The following NARS2 variants were observed in gnomAD, a reference collection of about 807,000 sequenced individuals.
NARS2 encodes asparaginyl-tRNA synthetase 2, mitochondrial, also known as asparaginyl-tRNA synthetase.
NARS2 carries 60 observed loss-of-function variants against 62.9 expected under a neutral mutation model. The observed-to-expected ratio is 0.95, with a 90% confidence interval of 0.77 to 1.18. NARS2 has a LOEUF of 1.18. Ranked by LOEUF, NARS2 falls within the 50% of genes most tolerant of loss-of-function variation. The probability of loss-of-function intolerance (pLI) is 0.00; values close to 1 mark genes in which losing one functional copy is unlikely to be tolerated. For synonymous variants in NARS2, 196 were observed against 200.0 expected, an observed-to-expected ratio of 0.98 and a Z score of 0.17; for missense variants, 619 against 576.4, an observed-to-expected ratio of 1.07 and a Z score of -0.76.
At chr11:78,442,742 T>C (rs980890137) in intron 12 of NARS2, among the ~76,000 whole-genome samples, 4 of 152,110 alleles carry the variant, frequency 2.6e-5, no homozygotes, top group Non-Finnish European at 5.9e-5. Context: ...GGCGGTTCAA[T>C]TGAAACATGA....
At chr11:78,461,087 A>G (rs1032560949) in intron 11 of NARS2, among the ~76,000 whole-genome samples, 2 of 152,168 alleles carry the variant, frequency 1.3e-5, no homozygotes, top group African/African-American at 4.8e-5. Flanking sequence ...GAATTTTGCT[A>G]TCTGAGAGGG....
At chr11:78,519,293 C>T (rs1156616503) in intron 6 of NARS2, among the ~76,000 whole-genome samples, 1 of 152,102 alleles carries the variant, frequency 6.6e-6, no homozygotes, top group African/African-American at 2.4e-5. Flanking sequence ...GTACCAATCA[C>T]AAACTAATCA....
intron 5 of NARS2, among the ~76,000 whole-genome samples, chr11:78,547,041 C>G (rs982924765): frequency 6.6e-6 from 1 of 152,154 alleles, no homozygotes; most frequent in Non-Finnish European, 1.5e-5. Context: ...AAACACTATA[C>G]ATTTCGTGGC....
chr11:78,574,006 C>CA, intron 1 of NARS2, among the ~76,000 whole-genome samples: 1 of 152,170 alleles, frequency 6.6e-6, no homozygotes, highest in Non-Finnish European at 1.5e-5. Flanking sequence ...TTTCTGCTCT[C>CA]AAGGAGGGAG....
At chr11:78,563,842 A>AC (rs1565287258) in intron 4 of NARS2, among the ~76,000 whole-genome samples, 14 of 68,642 alleles carry the variant, frequency 2.0e-4, no homozygotes, top group African/African-American at 1.2e-3. Context: ...AAAAAAAAAA[A>AC]AAAAAAAAAA....
At chr11:78,483,155 C>T (rs4274222) in intron 7 of NARS2, among the ~76,000 whole-genome samples, 53,321 of 151,972 alleles carry the variant, frequency 0.35, 12,536 homozygotes, top group African/African-American at 0.66. Context: ...ATTACCTCAA[C>T]AGACGCAGAA....
rs893663755 is a variant in NARS2, at chr11:78,562,055, A to G, written c.514-2436T>C. 2.0e-5 allele frequency among the ~76,000 whole-genome samples: 3 copies of G among 152,086 alleles called. No individual in the cohort carries two copies. The East Asian group carries it at 5.8e-4, about 29-fold the overall frequency. ...GTCAAAAAACAAAAAACAAAAAACA[A>G]AAAACAAAAAACATAAACAGCAGTC... On this transcript the variant is annotated intron_variant, in intron 4 of 13. Coordinates refer to ENST00000281038, the MANE Select transcript of NARS2 (RefSeq NM_024678.6).
At chr11:78,523,117 A>T (rs1029886957) in intron 6 of NARS2, among the ~76,000 whole-genome samples, 1 of 152,158 alleles carries the variant, frequency 6.6e-6, no homozygotes, top group African/African-American at 2.4e-5. Context: ...AAAATAACTC[A>T]AGGACTTACA....
intron 2 of NARS2, 21 bp downstream of exon 2, chr11:78,571,314 C>A (rs1590880439): frequency 2.0e-6 from 3 of 1,533,340 alleles, no homozygotes; most frequent in Non-Finnish European, 2.7e-6. Context: ...TCAAAGAATT[C>A]TTTTAAAAAA....
At chr11:78,531,185 G>A (rs1162391601) in intron 5 of NARS2, among the ~76,000 whole-genome samples, 1 of 151,994 alleles carries the variant, frequency 6.6e-6, no homozygotes, top group Non-Finnish European at 1.5e-5. Flanking sequence ...CTCGAAGAGA[G>A]TTAAAGGTTT....
intron 6 of NARS2, among the ~76,000 whole-genome samples, chr11:78,524,956 T>C (rs886884131): frequency 6.6e-6 from 1 of 152,084 alleles, no homozygotes; most frequent in Non-Finnish European, 1.5e-5. Flanking sequence ...GAATATTATT[T>C]AGCACTACAA....
chr11:78,448,963 C>T (rs1192540040), intron 11 of NARS2, among the ~76,000 whole-genome samples: 2 of 151,726 alleles, frequency 1.3e-5, no homozygotes, highest in African/African-American at 4.9e-5. Flanking sequence ...ATAAAAGACT[C>T]ATATTTATTT....
chr11:78,543,245 A>G (rs967199963), intron 5 of NARS2, among the ~76,000 whole-genome samples: 1 of 152,230 alleles, frequency 6.6e-6, no homozygotes, highest in Non-Finnish European at 1.5e-5. Context: ...CTATCCAAAG[A>G]TTATCCAAAA....
chr11:78,454,054 CA>C (rs1271765802), intron 11 of NARS2, among the ~76,000 whole-genome samples: 4 of 152,194 alleles, frequency 2.6e-5, no homozygotes, highest in Admixed American at 1.3e-4. Context: ...CTCTAAATTT[CA>C]AGTGAACCAG....
intron 5 of NARS2, among the ~76,000 whole-genome samples, chr11:78,536,454 C>T (rs553859820): frequency 3.3e-5 from 5 of 152,210 alleles, no homozygotes; most frequent in African/African-American, 9.6e-5. Flanking sequence ...TGGAAGACAG[C>T]GATTCCACCT....
chr11:78,461,063 T>A (rs188350972), intron 11 of NARS2, among the ~76,000 whole-genome samples: 32 of 152,346 alleles, frequency 2.1e-4, no homozygotes, highest in Admixed American at 2.0e-3. Flanking sequence ...CATAAGGGAC[T>A]CATTAGTATC....
intron 11 of NARS2, among the ~76,000 whole-genome samples, chr11:78,452,508 A>C (rs1370276763): frequency 2.0e-5 from 3 of 152,124 alleles, no homozygotes; most frequent in Non-Finnish European, 4.4e-5. Context: ...CCCAGGCTCA[A>C]GCAATCCTCC....
intron 5 of NARS2, among the ~76,000 whole-genome samples, chr11:78,541,931 G>A (rs943395412): frequency 2.0e-5 from 3 of 152,110 alleles, no homozygotes; most frequent in African/African-American, 7.2e-5. Flanking sequence ...CTATTTTGCC[G>A]GTTATGTTAG....
At chr11:78,548,340 C>G (rs1855957210) in intron 5 of NARS2, among the ~76,000 whole-genome samples, 2 of 152,094 alleles carry the variant, frequency 1.3e-5, no homozygotes, top group Non-Finnish European at 1.5e-5. Context: ...TGGGTTAGCC[C>G]ACATACCATC....
Sources: gnomAD v4.1 joint callset for allele counts (sites outside exome capture counted in the v4.1 genomes callset) on GRCh38, gnomAD v4.1.1 for gene constraint, MANE v1.5 for transcripts, NCBI Gene and HGNC (gene_info 2026-07-23, HGNC 2026-07-21) for gene names.